ANKRD62: variants seen among roughly 807,000 people sequenced by gnomAD.
ANKRD62 encodes ankyrin repeat domain-containing protein 62.
A neutral mutation model predicts 98.8 loss-of-function variants in ANKRD62; 61 were observed. The observed-to-expected ratio is 0.62, with a 90% confidence interval of 0.50 to 0.76. The LOEUF (loss-of-function observed/expected upper bound fraction) is 0.76. Among genes scored for constraint, ANKRD62 ranks in the 30% least tolerant of loss-of-function variants. ANKRD62 has a pLI of 0.00. For missense variants in ANKRD62, 933 were observed against 1,082.9 expected, an observed-to-expected ratio of 0.86 and a Z score of 1.94; for synonymous variants, 341 against 367.9, an observed-to-expected ratio of 0.93 and a Z score of 0.84.
In ANKRD62 at chr18:12,099,658, A is replaced by G. The variant is rs2143896685; in HGVS notation, c.796A>G (p.Lys266Glu). Residue 266 changes from lysine to glutamate, a missense_variant, in exon 6 of 14, where the codon AAA becomes GAA. By Grantham distance (56) the Lys-to-Glu change is moderately conservative. Transcript: ENST00000587848. ...TGAATATAAAGCAAACAAGAGATGT[A>G]AAAGTCTTCAAAATAGCAATTCAGG... ...ISEYKANKRCKSLQNSNSEQD... is the reference protein window; with the variant it reads ...ISEYKANKRCESLQNSNSEQD... 2 of 1,493,118 alleles carry G rather than the reference A, an allele frequency of 1.3e-6. No individual in the cohort carries two copies. Among genetic ancestry groups the G allele is most frequent in the Non-Finnish European group, 1.8e-6 (2 of 1,122,356 alleles). The allele number at this position is 1,493,118 out of a possible 1,614,324, so 92.5% of individuals were successfully genotyped here. A position where few individuals can be genotyped will look rare whatever the true frequency, so the allele number is the denominator to read the frequency against.
At chr18:12,113,237 A>C (rs1909586822) in intron 8 of ANKRD62, among the ~76,000 whole-genome samples, 1 of 152,200 alleles carries the variant, frequency 6.6e-6, no homozygotes, top group South Asian at 2.1e-4. Flanking sequence ...CAAGATCAAC[A>C]AACATGGAAA....
At chr18:12,099,290 A>G (rs1426625970) in intron 5 of ANKRD62, among the ~76,000 whole-genome samples, 1 of 152,190 alleles carries the variant, frequency 6.6e-6, no homozygotes, top group South Asian at 2.1e-4. Flanking sequence ...AGGTAGTAAA[A>G]CCTTCATTCT....
intron 1 of ANKRD62, among the ~76,000 whole-genome samples, 153 bp from the exon 2 acceptor site, chr18:12,095,018 A>T (rs1330917662): frequency 1.3e-5 from 2 of 151,692 alleles, no homozygotes; most frequent in Non-Finnish European, 1.5e-5. Flanking sequence ...AGCACCTGGG[A>T]TGTGGAAACC....
chr18:12,114,675 T>C (rs1054804158), intron 8 of ANKRD62, among the ~76,000 whole-genome samples: 1 of 152,132 alleles, frequency 6.6e-6, no homozygotes, highest in Non-Finnish European at 1.5e-5. Context: ...GCTAATGTTA[T>C]CATTAAAAAA....
chr18:12,156,241 C>A, the ANKRD62 span, among the ~76,000 whole-genome samples: 1 of 152,102 alleles, frequency 6.6e-6, no homozygotes, highest in African/African-American at 2.4e-5. Flanking sequence ...GAACCATAAA[C>A]CAAATACATT....
intron 10 of ANKRD62, among the ~76,000 whole-genome samples, chr18:12,117,681 T>G (rs995065473): frequency 6.6e-6 from 1 of 152,216 alleles, no homozygotes; most frequent in Admixed American, 6.5e-5. Context: ...AAATCAGCAA[T>G]GAGTGTTGAA....
intron 7 of ANKRD62, among the ~76,000 whole-genome samples, chr18:12,104,159 A>G (rs1039602017): frequency 7.9e-5 from 12 of 152,070 alleles, no homozygotes; most frequent in Non-Finnish European, 1.5e-4. Flanking sequence ...ATTTTTGGTA[A>G]ATCTATCACA....
chr18:12,126,349 A>G lies in ANKRD62; in HGVS notation c.2528A>G (p.Gln843Arg). 2.0e-6 allele frequency: 3 copies of G among 1,515,824 alleles called. No homozygotes were observed. Among genetic ancestry groups the G allele is most frequent in the Non-Finnish European group, 2.6e-6 (3 of 1,139,810 alleles). 93.9% of individuals were successfully genotyped at this position (1,515,824 alleles called of 1,614,324 possible). Residue 843 changes from glutamine (Q) to arginine (R), a missense_variant, in exon 13 of 14, where the codon CAA (glutamine) becomes CGA (arginine). Coordinates refer to ENST00000587848, the MANE Select transcript of ANKRD62 (RefSeq NM_001277333.2). ...GAATGCACTCTTTTAAAAGAAAGAC[A>G]ATGCCAATATGAAAAAGAGAAAGAA... ...MKECTLLKERQCQYEKEKEER... is the reference protein window; with the variant it reads ...MKECTLLKERRCQYEKEKEER...
At chr18:12,155,438 T>C in the ANKRD62 span, among the ~76,000 whole-genome samples, 3 of 152,194 alleles carry the variant, frequency 2.0e-5, no homozygotes, top group Admixed American at 2.0e-4. Context: ...AGATTCCTTC[T>C]TCCTGTTTCC....
intron 7 of ANKRD62, among the ~76,000 whole-genome samples, chr18:12,105,218 CA>C: frequency 6.6e-6 from 1 of 152,282 alleles, no homozygotes; most frequent in Non-Finnish European, 1.5e-5. Context: ...AATAAGAATA[CA>C]AAACCAATTC....
chr18:12,117,710 T>C (rs59763575), intron 10 of ANKRD62, among the ~76,000 whole-genome samples: 1,569 of 152,316 alleles, frequency 0.01, 29 homozygotes, highest in African/African-American at 0.033. Flanking sequence ...AATGCCTGTA[T>C]CTGTCGAGAT....
At chr18:12,158,826 G>T in the ANKRD62 span, among the ~76,000 whole-genome samples, 1 of 151,966 alleles carries the variant, frequency 6.6e-6, no homozygotes. Flanking sequence ...GAGCCACCGC[G>T]CCCGGCCAGA....
intron 12 of ANKRD62, among the ~76,000 whole-genome samples, chr18:12,125,190 T>TA (rs1043750049): frequency 4.6e-5 from 7 of 152,100 alleles, no homozygotes; most frequent in South Asian, 4.1e-4. Flanking sequence ...AGCCTTCTTT[T>TA]AAAAAAAATT....
At position 12,093,906 on chromosome 18, in the gene ANKRD62, C is replaced by G; in HGVS notation, c.-112C>G. ...ACTGGAGTGTCCCTGACGGAGGTTG[C>G]GGCTGGACCTGGTTACGTGCTGGTG... On this transcript the variant is annotated 5_prime_UTR_variant, in exon 1 of 14. Coordinates refer to ENST00000587848, the MANE Select transcript of ANKRD62 (RefSeq NM_001277333.2). 1 of 1,017,786 alleles carries G rather than the reference C, an allele frequency of 9.8e-7. No individual in the cohort carries two copies. The highest frequency in any genetic ancestry group is 1.4e-6 in the Non-Finnish European group (1 of 690,278). The allele number at this position is 1,017,786 out of a possible 1,614,324, so 63.0% of individuals were successfully genotyped here.
the ANKRD62 span, among the ~76,000 whole-genome samples, chr18:12,163,608 C>T: frequency 6.6e-6 from 1 of 152,044 alleles, no homozygotes; most frequent in Non-Finnish European, 1.5e-5. Flanking sequence ...GAAAGGTTTT[C>T]AGTTTTTCTT....
In ANKRD62 at chr18:12,115,422, C is replaced by T. The variant is rs561314298; in HGVS notation, c.1128C>T (p.Asp376=). The part of the protein sequence containing the change: ...KVKSQIYFTD[D]LNDISGSSEK... Reference sequence around the variant, plus strand: ...AAAGCCAAATATATTTCACGGATGACCTTAATGACATAAGTGGGTCATCTG... The same window carrying T: ...AAAGCCAAATATATTTCACGGATGATCTTAATGACATAAGTGGGTCATCTG... The change falls in exon 10 of 14, where the codon GAC becomes GAT. Residue 376 remains aspartate (D), a synonymous_variant. Transcript: ENST00000587848. 1 of 1,536,032 alleles carries T rather than the reference C, an allele frequency of 6.5e-7. No individual in the cohort carries two copies. Among genetic ancestry groups the T allele is most frequent in the African/African-American group, 1.4e-5 (1 of 73,034 alleles).
the ANKRD62 span, among the ~76,000 whole-genome samples, chr18:12,158,675 C>T: frequency 1.0e-4 from 15 of 149,960 alleles, no homozygotes; most frequent in Non-Finnish European, 1.6e-4. Flanking sequence ...AGGCGCCCAC[C>T]ATCATGCCTG....
intron 7 of ANKRD62, among the ~76,000 whole-genome samples, chr18:12,106,958 C>T (rs1262917414): frequency 4.6e-5 from 7 of 152,064 alleles, no homozygotes; most frequent in African/African-American, 1.4e-4. Flanking sequence ...TTGATGGCTT[C>T]GTCTTTTTAT....
In ANKRD62 at chr18:12,128,422, C is replaced by T. The variant is rs1909937618; in HGVS notation, c.*483C>T. On this transcript the variant is annotated 3_prime_UTR_variant, in exon 14 of 14. Transcript: ENST00000587848. ...CTTTATATTGGTCTATAGTCAGAGT[C>T]ATATGACTATGGACAGTTAGCATTT... 1 of 152,300 alleles carries T rather than the reference C, an allele frequency of 6.6e-6. No homozygotes were observed. Among genetic ancestry groups the T allele is most frequent in the South Asian group, 2.1e-4 (1 of 4,836 alleles). The allele number at this position is 152,300 out of a possible 1,614,324, so 9.4% of individuals were successfully genotyped here.
Sources: gnomAD v4.1 joint callset for allele counts (sites outside exome capture counted in the v4.1 genomes callset) on GRCh38, gnomAD v4.1.1 for gene constraint, MANE v1.5 for transcripts, NCBI Gene and HGNC (gene_info 2026-07-23, HGNC 2026-07-21) for gene names.